BAK1: variants seen among roughly 807,000 people sequenced by gnomAD.
BAK1 encodes BCL2 antagonist/killer 1, also known as bcl-2 homologous antagonist/killer.
Under a neutral mutation model 24.7 loss-of-function variants are expected in BAK1, and 19 were observed. The ratio of observed to expected loss-of-function variants is 0.77; its 90% CI spans 0.54 to 1.13. The LOEUF (loss-of-function observed/expected upper bound fraction) is 1.13. BAK1 is among the 50% of genes most tolerant of loss of function. The pLI is 0.00. For synonymous variants in BAK1, 86 were observed against 107.3 expected (o/e 0.80, Z 1.23); for missense variants, 194 against 279.4 (o/e 0.69, Z 2.18).
chr6:33,576,066 C>T (rs912371838), intron 2 of BAK1, 138 bp from the exon 3 acceptor site: 21 of 1,320,070 alleles, frequency 1.6e-5, no homozygotes, highest in South Asian at 4.4e-5. Context: ...CGGTGGCTCA[C>T]GCCTATAATC....
Position 33,578,516 on chromosome 6 carries a change from A to G in BAK1, c.-31-881T>C, listed in dbSNP as rs769500281. 6.6e-6 allele frequency among the ~76,000 whole-genome samples: 1 copy of G among 152,084 alleles called. No individual in the cohort carries two copies. Among genetic ancestry groups the G allele is most frequent in the Non-Finnish European group, 1.5e-5 (1 of 67,990 alleles). On this transcript the variant is annotated intron_variant, in intron 1 of 5. Transcript: ENST00000374467. This position sits in a 1 kb window ranked among gnomAD's most constrained non-coding sequence, Gnocchi z 4.8. ...TCAGAGTGTGTTCTTTCTCAGGGCA[A>G]CTTTCCCTATTTACCTCCTGTCTGT...
Position 33,573,641 on chromosome 6 carries a change from C to T in BAK1, c.*162G>A. On this transcript the variant is annotated 3_prime_UTR_variant, in exon 6 of 6. Coordinates refer to ENST00000374467, the MANE Select transcript of BAK1 (RefSeq NM_001188.4). ...TGCAATGTTGAGGTGCCTCTGCAGC[C>T]TGACTGGCCCCCACGCAGGGGCCCT... 1 of 661,408 alleles carries T rather than the reference C, an allele frequency of 1.5e-6. No individual in the cohort carries two copies. Among genetic ancestry groups the T allele is most frequent in the Non-Finnish European group, 2.7e-6 (1 of 375,704 alleles). 41.0% of individuals were successfully genotyped at this position (661,408 alleles called of 1,614,324 possible).
In BAK1 at chr6:33,577,877, T is replaced by G. The variant is rs1762873563; in HGVS notation, c.-31-242A>C. Among the ~76,000 whole-genome samples the G allele has an allele frequency of 1.3e-5, 2 of 152,202 alleles. No homozygotes were observed. Among genetic ancestry groups the G allele is most frequent in the Non-Finnish European group, 2.9e-5 (2 of 68,036 alleles). ...GTGCCTGGCCTCCTCTGGGACTTTTTATTCTTACTCCAGCATGGGTCCCAG... is the reference window on the plus strand; with the variant it reads ...GTGCCTGGCCTCCTCTGGGACTTTTGATTCTTACTCCAGCATGGGTCCCAG... On this transcript the variant is annotated intron_variant, in intron 1 of 5. Transcript: ENST00000374467. The surrounding 1 kb of genome is among the most constrained non-coding windows in gnomAD (Gnocchi z 4.6).
rs1211583360 is a variant in BAK1, at chr6:33,577,165, C to T, written c.70+370G>A. Among the ~76,000 whole-genome samples, 1 of 152,160 alleles carries T rather than the reference C, an allele frequency of 6.6e-6. No homozygotes were observed. The highest frequency in any genetic ancestry group is 1.5e-5 in the Non-Finnish European group (1 of 68,016). ...CACAATAATTGCGTTCCCTGTTGAG[C>T]AGACCTGACTGGGTGATTGGCCAGC... On this transcript the variant is annotated intron_variant, in intron 2 of 5. Coordinates refer to ENST00000374467, the MANE Select transcript of BAK1 (RefSeq NM_001188.4). The surrounding 1 kb of genome is among the most constrained non-coding windows in gnomAD (Gnocchi z 4.6).
At chr6:33,574,527 T>C (rs1298925579) in intron 4 of BAK1, 17 of 1,419,086 alleles carry the variant, frequency 1.2e-5, no homozygotes, top group Non-Finnish European at 1.5e-5. Flanking sequence ...GCTGCTGGCC[T>C]GGCAGCCCGA....
At position 33,575,441 on chromosome 6, in the gene BAK1, G is replaced by T. The variant is rs5745592; in HGVS notation, c.207C>A (p.Ser69Arg). ...GCTGCCGTCCCACCTGCCCCATGGT[G>T]CTGTAGGAGCAGGAGGCATGCAGGT... ...EMVTLPLQPSSTMGQVGRQLA... is the reference protein window; with the variant it reads ...EMVTLPLQPSRTMGQVGRQLA... Residue 69 changes from serine to arginine, a missense_variant and splice_region_variant, in exon 4 of 6, where the codon AGC becomes AGA. Transcript: ENST00000374467. This position sits in a 1 kb window ranked among gnomAD's most constrained non-coding sequence, Gnocchi z 6.3. 6.2e-7 allele frequency: 1 copy of T among 1,613,398 alleles called. No homozygotes were observed. Among genetic ancestry groups the T allele is most frequent in the Non-Finnish European group, 8.5e-7 (1 of 1,180,042 alleles).
In BAK1 at chr6:33,577,529, C is replaced by A; in HGVS notation, c.70+6G>T. On this transcript the variant is annotated splice_donor_region_variant and intron_variant, in intron 2 of 5. Transcript: ENST00000374467. The surrounding 1 kb of genome is among the most constrained non-coding windows in gnomAD (Gnocchi z 4.6). ...GGGATGGGTGAGGGGGCAGGAAGAC[C>A]CTTACCAGAAGCAGAGGGCAGGGCA... 6.5e-7 allele frequency: 1 copy of A among 1,545,064 alleles called. No homozygotes were observed. Among genetic ancestry groups the A allele is most frequent in the Non-Finnish European group, 8.7e-7 (1 of 1,143,304 alleles).
chr6:33,577,355 T>TC lies in BAK1; in HGVS notation c.70+179dup, dbSNP rs35897450. On this transcript the variant is annotated intron_variant, in intron 2 of 5. Coordinates refer to ENST00000374467, the MANE Select transcript of BAK1 (RefSeq NM_001188.4). This position sits in a 1 kb window ranked among gnomAD's most constrained non-coding sequence, Gnocchi z 4.6. ...CCAGGCCCTCCCCAGTCCAGACTCC[T>TC]CCCCCTCCTGGGCTTAACCTTGACA... Among the ~76,000 whole-genome samples, 1 of 151,886 alleles carries TC rather than the reference T, an allele frequency of 6.6e-6. No individual in the cohort carries two copies.
In BAK1 at chr6:33,572,560, T is replaced by C. The variant is rs969114479; in HGVS notation, c.*1243A>G. ...CAAAAACTAAGTCAGGGTGAGGGGA[T>C]TGCACAGTTTATTTCCAAACACTCA... On this transcript the variant is annotated 3_prime_UTR_variant, in exon 6 of 6. Coordinates refer to ENST00000374467, the MANE Select transcript of BAK1 (RefSeq NM_001188.4). The C allele has an allele frequency of 6.6e-5, 10 of 152,198 alleles. No homozygotes were observed. The highest frequency in any genetic ancestry group is 2.4e-4 in the African/African-American group (10 of 41,328). 9.4% of individuals were successfully genotyped at this position (152,198 alleles called of 1,614,324 possible). A position where few individuals can be genotyped will look rare whatever the true frequency, so the allele number is the denominator to read the frequency against.
In BAK1 at chr6:33,578,554, G is replaced by A. The variant is rs1762884117; in HGVS notation, c.-31-919C>T. Among the ~76,000 whole-genome samples, 2 of 152,144 alleles carry A rather than the reference G, an allele frequency of 1.3e-5. No individual in the cohort carries two copies. Among genetic ancestry groups the A allele is most frequent in the Non-Finnish European group, 2.9e-5 (2 of 68,018 alleles). On this transcript the variant is annotated intron_variant, in intron 1 of 5. Transcript: ENST00000374467. The surrounding 1 kb of genome is among the most constrained non-coding windows in gnomAD (Gnocchi z 4.8). ...ACCTCCTGTCTGTGCCTTCCCCACT[G>A]CTGCCTTGCAGTGACCGGAGGGAGC...
rs991855771 is a variant in BAK1 at position 33,580,020 on chromosome 6, CT to C, written c.-32+4del. On this transcript the variant is annotated splice_donor_region_variant and intron_variant, in intron 1 of 5. Coordinates refer to ENST00000374467, the MANE Select transcript of BAK1 (RefSeq NM_001188.4). ...GGGAGGATGGACAAGACCCTTCCAG[CT>C]TACCTGCCGGGATCCTGGCCCAACC... 36 of 152,386 alleles carry C rather than the reference CT, an allele frequency of 2.4e-4. No individual in the cohort carries two copies. Among genetic ancestry groups the C allele is most frequent in the African/African-American group, 6.8e-4 (28 of 41,442 alleles). 9.4% of individuals were successfully genotyped at this position (152,386 alleles called of 1,614,324 possible).
chr6:33,577,636 C>A lies in BAK1; in HGVS notation c.-31-1G>T. ...GGTCTCAGTGGAGGACGGGATCAGC[C>A]TGCGGGGAAGGGCGAGAAAAAGCAG... is the stretch of plus-strand genomic sequence containing the variant. On this transcript the variant is annotated splice_acceptor_variant, in intron 1 of 5. Coordinates refer to ENST00000374467, the MANE Select transcript of BAK1 (RefSeq NM_001188.4). LOFTEE classifies it low-confidence loss of function (5UTR_SPLICE). The surrounding 1 kb of genome is among the most constrained non-coding windows in gnomAD (Gnocchi z 4.6). 1 of 1,534,156 alleles carries A rather than the reference C, an allele frequency of 6.5e-7. No individual in the cohort carries two copies. The highest frequency in any genetic ancestry group is 8.8e-7 in the Non-Finnish European group (1 of 1,134,188).
Position 33,575,738 on chromosome 6 carries a change from T to C in BAK1, c.206+55A>G. On this transcript the variant is annotated intron_variant, in intron 3 of 5. Transcript: ENST00000374467. The surrounding 1 kb of genome is among the most constrained non-coding windows in gnomAD (Gnocchi z 6.3). ...CTCCCAGGACCTGCACAGAGACCCA[T>C]GCGAGCTACTGCCTCCCTGAAGATG... is the stretch of plus-strand genomic sequence containing the variant. 1 of 1,596,538 alleles carries C rather than the reference T, an allele frequency of 6.3e-7. No homozygotes were observed. The highest frequency in any genetic ancestry group is 8.5e-7 in the Non-Finnish European group (1 of 1,170,440).
At position 33,575,825 on chromosome 6, in the gene BAK1, T is replaced by C. The variant is rs768052277; in HGVS notation, c.174A>G (p.Pro58=). The change falls in exon 3 of 6, where the codon CCA becomes CCG. Residue 58 remains proline, a synonymous_variant. Transcript: ENST00000374467. The surrounding 1 kb of genome is among the most constrained non-coding windows in gnomAD (Gnocchi z 6.3). ...GTTGCAGAGGTAAGGTGACCATCTCTGGGTCGGCAGGGGCAGCCACCCCTT... is the reference window on the plus strand; with the variant it reads ...GTTGCAGAGGTAAGGTGACCATCTCCGGGTCGGCAGGGGCAGCCACCCCTT... ...EAEGVAAPAD[P]EMVTLPLQPS... 1 of 1,613,600 alleles carries C rather than the reference T, an allele frequency of 6.2e-7. No individual in the cohort carries two copies. The highest frequency in any genetic ancestry group is 8.5e-7 in the Non-Finnish European group (1 of 1,180,008).
At chr6:33,576,008 A>G in intron 2 of BAK1, 80 bp from the exon 3 acceptor site, 1 of 1,586,920 alleles carries the variant, frequency 6.3e-7, no homozygotes. Context: ...CACTCTTCCT[A>G]AGGCCATAGC....
chr6:33,579,821 A>C (rs1422856589), intron 1 of BAK1, among the ~76,000 whole-genome samples: 1 of 152,200 alleles, frequency 6.6e-6, no homozygotes, highest in African/African-American at 2.4e-5. Context: ...GTTCTCCGGC[A>C]TCCAGGGCTG....
rs1582066528 is a variant in BAK1 at position 33,575,977 on chromosome 6, C to T, written c.71-49G>A. ...GGGAGAGAGGGCCGAACCCTGGCAG[C>T]CCCATGCCTTATAGGGGATTCACTC... is the stretch of plus-strand genomic sequence containing the variant. On this transcript the variant is annotated intron_variant, in intron 2 of 5. Coordinates refer to ENST00000374467, the MANE Select transcript of BAK1 (RefSeq NM_001188.4). This position sits in a 1 kb window ranked among gnomAD's most constrained non-coding sequence, Gnocchi z 6.3. The T allele has an allele frequency of 6.2e-7, 1 of 1,610,530 alleles. No individual in the cohort carries two copies. Among genetic ancestry groups the T allele is most frequent in the Non-Finnish European group, 8.5e-7 (1 of 1,177,918 alleles).
chr6:33,574,397 C>A, intron 4 of BAK1, 183 bp from the exon 5 acceptor site: 1 of 1,472,686 alleles, frequency 6.8e-7, no homozygotes. Context: ...AAGGAGAAAG[C>A]TCAGGGGCAG....
In BAK1 at chr6:33,577,734, C is replaced by G. The variant is rs745881820; in HGVS notation, c.-31-99G>C. The G allele has an allele frequency of 2.5e-6, 2 of 811,310 alleles. No homozygotes were observed. The highest frequency in any genetic ancestry group is 3.7e-6 in the Non-Finnish European group (2 of 536,490). The allele number at this position is 811,310 out of a possible 1,614,324, so 50.3% of individuals were successfully genotyped here. A position where few individuals can be genotyped will look rare whatever the true frequency, so the allele number is the denominator to read the frequency against. ...CCATGTCCACATAGGAGAGAGGATC[C>G]CCCATTCCCAGAAAGGCCCTTAGTC... On this transcript the variant is annotated intron_variant, in intron 1 of 5. Transcript: ENST00000374467. This position sits in a 1 kb window ranked among gnomAD's most constrained non-coding sequence, Gnocchi z 4.6.
Sources: allele counts gnomAD v4.1 joint callset (sites outside exome capture counted in the v4.1 genomes callset), GRCh38; gene constraint gnomAD v4.1.1; non-coding constraint Gnocchi (gnomAD v3.1); transcripts MANE v1.5; gene names NCBI Gene and HGNC (gene_info 2026-07-23, HGNC 2026-07-21).